Variants in FARSB observed in about 807,000 individuals in gnomAD.
The protein encoded by FARSB is phenylalanyl-tRNA synthetase subunit beta, also known as phenylalanine--tRNA ligase beta subunit.
Under a neutral mutation model 69.6 loss-of-function variants are expected in FARSB, and 40 were observed. The observed-to-expected ratio is 0.57, with a 90% CI of 0.45 to 0.75. The LOEUF (loss-of-function observed/expected upper bound fraction) is 0.75, where lower values mean the gene tolerates loss of function less well. Among genes scored for constraint, FARSB ranks in the 30% least tolerant of loss-of-function variants. The pLI is 0.00. For missense variants in FARSB, 632 were observed against 722.9 expected (o/e 0.87, Z 1.44); for synonymous variants, 235 against 247.2 (o/e 0.95, Z 0.46).
chr2:222,622,003 G>C (rs752304668), intron 13 of FARSB, among the ~76,000 whole-genome samples: 2 of 152,192 alleles, frequency 1.3e-5, no homozygotes, highest in Non-Finnish European at 2.9e-5. Flanking sequence ...TAACATCCCT[G>C]GTGTGACAGT....
intron 16 of FARSB, among the ~76,000 whole-genome samples, chr2:222,596,557 A>C (rs566955511): frequency 3.3e-4 from 50 of 152,320 alleles, no homozygotes; most frequent in Admixed American, 9.2e-4. Flanking sequence ...TGCCAGAGTA[A>C]TATCAGACAA....
chr2:222,603,093 A>C (rs990300277), intron 15 of FARSB, among the ~76,000 whole-genome samples: 3 of 152,226 alleles, frequency 2.0e-5, no homozygotes, highest in African/African-American at 7.2e-5. Flanking sequence ...TCATCATTTA[A>C]CTTTATAACA....
chr2:222,628,760 G>A, intron 10 of FARSB, 77 bp downstream of exon 10: 1 of 986,470 alleles, frequency 1.0e-6, no homozygotes, highest in Non-Finnish European at 1.6e-6. Context: ...TGGATAGACA[G>A]ACAGAACATG....
In FARSB at chr2:222,644,594, C is replaced by T. The variant is rs115328148; in HGVS notation, c.115-1589G>A. On this transcript the variant is annotated intron_variant, in intron 2 of 16. Transcript: ENST00000281828. ...TATACAGAGAAGATAATATAATAAC[C>T]GGAGAAATGAAGGCATCTGCATTCA... The T allele has an allele frequency of 4.7e-3, 2,051 of 434,884 alleles. 25 individuals carry two copies. Among genetic ancestry groups the T allele is most frequent in the African/African-American group, 0.035 (1,718 of 49,314 alleles). The allele number at this position is 434,884 out of a possible 1,614,324, so 26.9% of individuals were successfully genotyped here.
At chr2:222,607,007 C>T (rs1690718873) in intron 15 of FARSB, among the ~76,000 whole-genome samples, 1 of 152,178 alleles carries the variant, frequency 6.6e-6, no homozygotes, top group African/African-American at 2.4e-5. Context: ...CAACTTGATT[C>T]TTCTATTCCA....
At chr2:222,637,973 C>T (rs560863919) in intron 5 of FARSB, among the ~76,000 whole-genome samples, 1 of 151,956 alleles carries the variant, frequency 6.6e-6, no homozygotes, top group African/African-American at 2.4e-5. Context: ...CAGAGAAAAA[C>T]CCTGTCTCAA....
At position 222,571,720 on chromosome 2, in the gene FARSB, A is replaced by C. The variant is rs1232196120; in HGVS notation, c.*151T>G. Reference sequence around the variant, plus strand: ...ACAAGCTGGCCTAATATGCAGGGAAAGGATGGTCTCTACCCACACAGCCAG... The same window carrying C: ...ACAAGCTGGCCTAATATGCAGGGAACGGATGGTCTCTACCCACACAGCCAG... On this transcript the variant is annotated 3_prime_UTR_variant, in exon 17 of 17. Coordinates refer to ENST00000281828, the MANE Select transcript of FARSB (RefSeq NM_005687.5). The C allele has an allele frequency of 3.1e-6, 2 of 642,898 alleles. No homozygotes were observed. The highest frequency in any genetic ancestry group is 5.3e-6 in the Non-Finnish European group (2 of 378,172). 39.8% of individuals were successfully genotyped at this position (642,898 alleles called of 1,614,324 possible). A position where few individuals can be genotyped will look rare whatever the true frequency, so the allele number is the denominator to read the frequency against.
Position 222,588,816 on chromosome 2 carries a change from C to A in FARSB, c.1618+11112G>T, listed in dbSNP as rs1035493166. The stretch of plus-strand genomic sequence containing the variant: ...TCCAACTTACAAGGGATGTGAAAAA[C>A]TTCTTCAAGGAGAACTACAAACCAC... On this transcript the variant is annotated intron_variant, in intron 16 of 16. Coordinates refer to ENST00000281828, the MANE Select transcript of FARSB (RefSeq NM_005687.5). Among the ~76,000 whole-genome samples, 26 of 152,180 alleles carry A rather than the reference C, an allele frequency of 1.7e-4. 3 individuals carry two copies. Among genetic ancestry groups the A allele is most frequent in the Admixed American group, 1.5e-3 (23 of 15,284 alleles).
intron 7 of FARSB, among the ~76,000 whole-genome samples, chr2:222,632,828 A>AC (rs2106228514): frequency 6.6e-6 from 1 of 151,832 alleles, no homozygotes; most frequent in African/African-American, 2.4e-5. Context: ...ACAAAACAAA[A>AC]AACAACAACA....
intron 5 of FARSB, among the ~76,000 whole-genome samples, chr2:222,634,824 C>A (rs1245929374): frequency 6.6e-6 from 1 of 152,154 alleles, no homozygotes; most frequent in Non-Finnish European, 1.5e-5. Context: ...TTGCCATTAT[C>A]TTTTCCCAAA....
At chr2:222,609,399 T>C (rs1051310244) in intron 15 of FARSB, among the ~76,000 whole-genome samples, 1 of 152,198 alleles carries the variant, frequency 6.6e-6, no homozygotes, top group Admixed American at 6.5e-5. Flanking sequence ...CACCAACCAA[T>C]AGCTCACACA....
At chr2:222,655,723 G>C (rs74405160) in intron 1 of FARSB, among the ~76,000 whole-genome samples, 11 of 152,344 alleles carry the variant, frequency 7.2e-5, no homozygotes, top group Non-Finnish European at 1.5e-4. Flanking sequence ...TTTCCTTCCT[G>C]TTCTATCCCC....
chr2:222,640,770 A>AT (rs1491513108), intron 4 of FARSB, 92 bp downstream of exon 4: 2 of 681,130 alleles, frequency 2.9e-6, no homozygotes, highest in Non-Finnish European at 5.1e-6. Flanking sequence ...CAAAAAAAAA[A>AT]GAGTAAGCTT....
At chr2:222,583,658 T>C (rs761101861) in intron 16 of FARSB, among the ~76,000 whole-genome samples, 2 of 152,176 alleles carry the variant, frequency 1.3e-5, no homozygotes, top group African/African-American at 2.4e-5. Flanking sequence ...CTCTTTGCTA[T>C]TGATATGGTT....
Position 222,613,857 on chromosome 2 carries a change from C to A in FARSB, c.1416G>T (p.Leu472=). The change falls in exon 15 of 17, where the codon CTG becomes CTT. Residue 472 remains leucine, a synonymous_variant. Transcript: ENST00000281828. ...IAANRKMPLP[L]KLFEISDIVI... ...CAATGTCAGAGATTTCAAACAGTTT[C>A]AGTGGAAGGGGCATCTTACGATTTG... 1 of 1,613,026 alleles carries A rather than the reference C, an allele frequency of 6.2e-7. No homozygotes were observed. The highest frequency in any genetic ancestry group is 1.1e-5 in the South Asian group (1 of 91,042).
rs547499791 is a variant in FARSB at position 222,568,556 on chromosome 2, A to G, written c.*3315T>C. 1 of 152,336 alleles carries G rather than the reference A, an allele frequency of 6.6e-6. No individual in the cohort carries two copies. Among genetic ancestry groups the G allele is most frequent in the South Asian group, 2.1e-4 (1 of 4,822 alleles). 9.4% of individuals were successfully genotyped at this position (152,336 alleles called of 1,614,324 possible). A position where few individuals can be genotyped will look rare whatever the true frequency, so the allele number is the denominator to read the frequency against. ...AAAAGATCAATTCAAAAATAATTTAAAAACAGAAGAGCAGGCTGGGCGCCT... is the reference window on the plus strand; with the variant it reads ...AAAAGATCAATTCAAAAATAATTTAGAAACAGAAGAGCAGGCTGGGCGCCT... On this transcript the variant is annotated 3_prime_UTR_variant, in exon 17 of 17. Coordinates refer to ENST00000281828, the MANE Select transcript of FARSB (RefSeq NM_005687.5). The surrounding 1 kb of genome is among the most constrained non-coding windows in gnomAD (Gnocchi z 4.3).
chr2:222,625,738 C>A (rs188497302), intron 10 of FARSB, among the ~76,000 whole-genome samples: 1 of 152,196 alleles, frequency 6.6e-6, no homozygotes. Flanking sequence ...GTACGAGATG[C>A]ATTTTAAAGA....
intron 14 of FARSB, among the ~76,000 whole-genome samples, chr2:222,617,357 AG>A (rs1443352599): frequency 1.3e-5 from 2 of 152,202 alleles, no homozygotes; most frequent in African/African-American, 4.8e-5. Flanking sequence ...AAAATAGAAA[AG>A]ACAGGATGTA....
At chr2:222,580,096 ATAAG>A (rs1057245056) in intron 16 of FARSB, among the ~76,000 whole-genome samples, 6 of 151,776 alleles carry the variant, frequency 4.0e-5, no homozygotes, top group African/African-American at 1.5e-4. Flanking sequence ...TTCATTACAT[ATAAG>A]TAAATATTAT....
Sources: allele counts gnomAD v4.1 joint callset (sites outside exome capture counted in the v4.1 genomes callset), GRCh38; gene constraint gnomAD v4.1.1; non-coding constraint Gnocchi (gnomAD v3.1); transcripts MANE v1.5; gene names NCBI Gene and HGNC (gene_info 2026-07-23, HGNC 2026-07-21).